VPS13A: variants seen among roughly 807,000 people sequenced by gnomAD.
VPS13A encodes the protein intermembrane lipid transfer protein VPS13A.
In VPS13A, 264 loss-of-function variants were observed where a neutral mutation model predicts 390.9. The observed-to-expected ratio is 0.68, with a 90% CI of 0.61 to 0.75. The LOEUF is 0.75. Ranked by LOEUF, VPS13A falls within the 30% of genes least tolerant of loss-of-function variation. The pLI, the probability that VPS13A is intolerant of heterozygous loss-of-function variation, is 0.00. For missense variants in VPS13A, 3,409 were observed against 3,733.9 expected (o/e 0.91, Z 2.27); for synonymous variants, 1,231 against 1,227.1 (o/e 1.00, Z -0.07).
rs1452619297 is a variant in VPS13A, at chr9:77,238,075, T to C, written c.1669T>C (p.Ser557Pro). The stretch of plus-strand genomic sequence containing the variant: ...TTCAGAAAAACCCCGCCTCCTGTCT[T>C]CATTGGATGATGCAATGTCACTTTT... Reference protein sequence around the residue: ...DNSEKPRLLSSLDDAMSLFQI... With the variant: ...DNSEKPRLLSPLDDAMSLFQI... Residue 557 changes from serine to proline, a missense_variant, in exon 18 of 72, where the codon TCA (serine) becomes CCA (proline). Around this residue, in one of 5 missense-constraint regions of VPS13A, gnomAD observed 2,717 missense variants for 2,917.4 expected, o/e 0.93. Transcript: ENST00000360280. The C allele has an allele frequency of 6.2e-7, 1 of 1,613,728 alleles. No individual in the cohort carries two copies. Among genetic ancestry groups the C allele is most frequent in the African/African-American group, 1.3e-5 (1 of 75,018 alleles).
intron 41 of VPS13A, among the ~76,000 whole-genome samples, 173 bp downstream of exon 41, chr9:77,318,764 A>G (rs1564724729): frequency 6.6e-6 from 1 of 152,174 alleles, no homozygotes; most frequent in Non-Finnish European, 1.5e-5. Flanking sequence ...CCCTTGAATA[A>G]TTGCTTTTAT....
chr9:77,206,379 G>T (rs1825644449), intron 5 of VPS13A, among the ~76,000 whole-genome samples: 2 of 150,790 alleles, frequency 1.3e-5, no homozygotes, highest in South Asian at 4.2e-4. Flanking sequence ...GGTAAGGTCA[G>T]TTTTTAATGA....
chr9:77,229,785 C>T (rs959975137), intron 17 of VPS13A, among the ~76,000 whole-genome samples: 2 of 152,042 alleles, frequency 1.3e-5, no homozygotes, highest in East Asian at 1.9e-4. Flanking sequence ...GGGTAGACAC[C>T]TGGGGTGGAA....
intron 37 of VPS13A, 32 bp downstream of exon 37, chr9:77,314,696 C>A (rs759689614): frequency 8.8e-6 from 14 of 1,595,838 alleles, no homozygotes; most frequent in Admixed American, 8.4e-5. Flanking sequence ...TAAGGTTTTA[C>A]TTGAGAAATC....
intron 52 of VPS13A, among the ~76,000 whole-genome samples, chr9:77,350,606 G>T (rs1401332430): frequency 1.3e-5 from 2 of 151,996 alleles, no homozygotes; most frequent in East Asian, 1.9e-4. Context: ...ATTGTTTTTT[G>T]ATATTAAACA....
At chr9:77,402,990 A>G (rs1834454857) in intron 68 of VPS13A, among the ~76,000 whole-genome samples, 1 of 152,234 alleles carries the variant, frequency 6.6e-6, no homozygotes, top group Admixed American at 6.5e-5. Flanking sequence ...TTGTAAGATA[A>G]CATCAGCTTC....
intron 68 of VPS13A, among the ~76,000 whole-genome samples, chr9:77,384,277 A>G (rs1044210494): frequency 6.6e-6 from 1 of 151,852 alleles, no homozygotes; most frequent in African/African-American, 2.4e-5. Flanking sequence ...GCACATTATT[A>G]CAGTGTTTCC....
At chr9:77,210,139 C>T (rs1424910106) in intron 6 of VPS13A, among the ~76,000 whole-genome samples, 1 of 147,448 alleles carries the variant, frequency 6.8e-6, no homozygotes, top group Non-Finnish European at 1.5e-5. Flanking sequence ...TTATCCCTCC[C>T]TCCCTTCCTC....
At chr9:77,370,133 T>C (rs1832666668) in intron 63 of VPS13A, 124 bp from the exon 64 acceptor site, 2 of 1,061,790 alleles carry the variant, frequency 1.9e-6, no homozygotes, top group East Asian at 2.6e-5. Flanking sequence ...TTTGCTGATA[T>C]TACTTCCTCT....
At chr9:77,377,657 G>A (rs1383403086) in intron 67 of VPS13A, among the ~76,000 whole-genome samples, 1 of 152,106 alleles carries the variant, frequency 6.6e-6, no homozygotes, top group Non-Finnish European at 1.5e-5. Flanking sequence ...ATATGTAAGA[G>A]TATATCATCT....
intron 50 of VPS13A, among the ~76,000 whole-genome samples, chr9:77,341,911 G>A (rs573320883): frequency 6.6e-5 from 10 of 151,730 alleles, no homozygotes; most frequent in East Asian, 3.9e-4. Context: ...TGTAGTTTAC[G>A]TTTTAGTGGG....
chr9:77,222,161 A>G (rs1823257030), intron 13 of VPS13A, among the ~76,000 whole-genome samples: 1 of 152,060 alleles, frequency 6.6e-6, no homozygotes, highest in African/African-American at 2.4e-5. Context: ...TTTTACTTTT[A>G]TTTTCAATGT....
intron 68 of VPS13A, chr9:77,395,668 CAT>C (rs1382079009): frequency 3.9e-5 from 6 of 152,168 alleles, no homozygotes; most frequent in African/African-American, 1.4e-4. Context: ...TAATTATTAG[CAT>C]GGTGCCTAAT....
chr9:77,412,590 G>A (rs1245749678), intron 71 of VPS13A, among the ~76,000 whole-genome samples: 1 of 152,194 alleles, frequency 6.6e-6, no homozygotes, highest in Non-Finnish European at 1.5e-5. Context: ...GTATTGATGG[G>A]ATGTATCTCA....
rs1349988796 is a variant in VPS13A at position 77,417,781 on chromosome 9, A to G, written c.*1775A>G. On this transcript the variant is annotated 3_prime_UTR_variant, in exon 72 of 72. Transcript: ENST00000360280. ...AAAGCCTTACATAAATAGTAAACAT[A>G]GAAATTCTTCTGGTGCCCTCTGGCA... The G allele has an allele frequency of 6.6e-6, 1 of 152,190 alleles. No individual in the cohort carries two copies. Among genetic ancestry groups the G allele is most frequent in the Non-Finnish European group, 1.5e-5 (1 of 68,036 alleles). The allele number at this position is 152,190 out of a possible 1,614,324, so 9.4% of individuals were successfully genotyped here. A position where few individuals can be genotyped will look rare whatever the true frequency, so the allele number is the denominator to read the frequency against.
At chr9:77,373,204 C>T (rs930674595) in intron 67 of VPS13A, among the ~76,000 whole-genome samples, 9 of 150,474 alleles carry the variant, frequency 6.0e-5, no homozygotes, top group African/African-American at 1.9e-4. Context: ...AAGAACGAAG[C>T]TGGAGGCATC....
At chr9:77,193,274 G>T (rs1308973670) in intron 1 of VPS13A, among the ~76,000 whole-genome samples, 2 of 151,588 alleles carry the variant, frequency 1.3e-5, no homozygotes, top group East Asian at 1.9e-4. Context: ...CCGTGGATTG[G>T]GTTTCAACTT....
At chr9:77,350,404 AGTT>A (rs1831387164) in intron 52 of VPS13A, among the ~76,000 whole-genome samples, 1 of 152,108 alleles carries the variant, frequency 6.6e-6, no homozygotes, top group Non-Finnish European at 1.5e-5. Flanking sequence ...TCTATATCCT[AGTT>A]GTTAAAATGT....
At chr9:77,271,814 C>T (rs1383319647) in intron 23 of VPS13A, among the ~76,000 whole-genome samples, 1 of 152,050 alleles carries the variant, frequency 6.6e-6, no homozygotes, top group East Asian at 1.9e-4. Context: ...AGCCCAGTTT[C>T]ACTAATAAAT....
Sources: allele counts gnomAD v4.1 joint callset (sites outside exome capture counted in the v4.1 genomes callset), GRCh38; gene constraint gnomAD v4.1.1; regional missense constraint gnomAD v4.1.1; transcripts MANE v1.5; gene names NCBI Gene and HGNC (gene_info 2026-07-23, HGNC 2026-07-21).